The following KCTD1 variants were observed in gnomAD, a reference collection of about 807,000 sequenced individuals.
KCTD1 encodes potassium channel tetramerization domain containing 1.
KCTD1 carries 24 observed loss-of-function variants against 66.0 expected under a neutral mutation model. The ratio of observed to expected loss-of-function variants is 0.36; its 90% CI spans 0.26 to 0.51. The LOEUF (loss-of-function observed/expected upper bound fraction) is 0.51, where lower values mean the gene tolerates loss of function less well. Among genes scored for constraint, KCTD1 ranks in the 20% least tolerant of loss-of-function variants. The pLI, the probability that KCTD1 is intolerant of heterozygous loss-of-function variation, is 0.95. For synonymous variants in KCTD1, 511 were observed against 517.2 expected, an observed-to-expected ratio of 0.99 and a Z score of 0.16; for missense variants, 943 against 1,205.2, an observed-to-expected ratio of 0.78 and a Z score of 3.22.
At chr18:26,614,258 CAT>C (rs771172527) in intron 1 of KCTD1, among the ~76,000 whole-genome samples, 103 of 152,318 alleles carry the variant, frequency 6.8e-4, no homozygotes, top group Non-Finnish European at 1.2e-3. Flanking sequence ...CAAATGAACA[CAT>C]GTTTGCTGAT....
chr18:26,461,241 G>A (rs986199168), intron 3 of KCTD1, among the ~76,000 whole-genome samples: 2 of 152,232 alleles, frequency 1.3e-5, no homozygotes, highest in Non-Finnish European at 2.9e-5. Flanking sequence ...AAACAGCATG[G>A]AGAGATGACA....
rs1172973503 is a variant in KCTD1 at position 26,624,894 on chromosome 18, G to A, written c.-16+4253C>T. Among the ~76,000 whole-genome samples the A allele has an allele frequency of 5.9e-5, 9 of 152,226 alleles. No individual in the cohort carries two copies. The East Asian group carries it at 1.5e-3, about 26-fold the overall frequency. On this transcript the variant is annotated intron_variant, in intron 1 of 4. Coordinates refer to the KCTD1 transcript ENST00000317932. ...GAGGATGTACCCTGCAAAGCCATAG[G>A]GGTAGAGCTGCCCAAGGCCATGGGA...
At chr18:26,646,668 C>T (rs1987931808) in intron 1 of KCTD1, among the ~76,000 whole-genome samples, 1 of 152,158 alleles carries the variant, frequency 6.6e-6, no homozygotes, top group Non-Finnish European at 1.5e-5. Context: ...AAATTTGAAT[C>T]TCAGCCTAAA....
chr18:26,480,508 G>A (rs930033804), intron 2 of KCTD1, among the ~76,000 whole-genome samples: 9 of 152,204 alleles, frequency 5.9e-5, no homozygotes, highest in African/African-American at 1.9e-4. Flanking sequence ...GGTGGCTCAT[G>A]CCTGTAATCC....
intron 1 of KCTD1, among the ~76,000 whole-genome samples, chr18:26,590,357 G>T (rs1986571347): frequency 6.6e-6 from 1 of 152,018 alleles, no homozygotes; most frequent in Non-Finnish European, 1.5e-5. Context: ...CCAAAATGCT[G>T]GGATTACAGG....
chr18:26,620,088 A>AGATGAGGG (rs1987340105), intron 1 of KCTD1, among the ~76,000 whole-genome samples: 1 of 152,116 alleles, frequency 6.6e-6, no homozygotes, highest in South Asian at 2.1e-4. Flanking sequence ...TCGAGGGCAG[A>AGATGAGGG]GATGAGGGGT....
intron 1 of KCTD1, chr18:26,543,060 G>A (rs552135047): frequency 8.5e-5 from 13 of 152,266 alleles, no homozygotes; most frequent in Middle Eastern, 3.4e-3. Flanking sequence ...GGTGGAAAAC[G>A]ATTAATTTAT....
intron 1 of KCTD1, among the ~76,000 whole-genome samples, chr18:26,525,041 C>A (rs1598917285): frequency 6.6e-6 from 1 of 152,296 alleles, no homozygotes; most frequent in East Asian, 1.9e-4. Flanking sequence ...AAAAAACTCT[C>A]TCATAGAAAA....
At position 26,548,215 on chromosome 18, in the gene KCTD1, CG is replaced by C; in HGVS notation, c.321del (p.Glu108ArgfsTer15). On this transcript the variant is annotated frameshift_variant, in exon 1 of 5. Coordinates refer to ENST00000580059, the MANE Select transcript of KCTD1 (RefSeq NM_001142730.3). LOFTEE classifies it high-confidence loss of function. ...MGLDWDEPLEPEDSAGEELEP... is the reference protein window; with the variant it reads ...MGLDWDEPLEXEDSAGEELEP... The stretch of plus-strand genomic sequence containing the variant: ...TCCAGCTCCTCCCCGGCCGAGTCCT[CG>C]GGCTCCAGGGGCTCGTCCCAGTCCA... 1 of 1,508,428 alleles carries C rather than the reference CG, an allele frequency of 6.6e-7. No individual in the cohort carries two copies. Among genetic ancestry groups the C allele is most frequent in the Non-Finnish European group, 8.8e-7 (1 of 1,132,190 alleles). 93.4% of individuals were successfully genotyped at this position (1,508,428 alleles called of 1,614,324 possible). A position where few individuals can be genotyped will look rare whatever the true frequency, so the allele number is the denominator to read the frequency against.
chr18:26,565,770 A>T (rs1172277943), intron 1 of KCTD1: 2 of 151,550 alleles, frequency 1.3e-5, no homozygotes, highest in Non-Finnish European at 2.9e-5. Flanking sequence ...GTTTAGTACT[A>T]AGGATTAGCT....
chr18:26,572,075 T>C (rs1457388550), intron 1 of KCTD1, among the ~76,000 whole-genome samples: 2 of 151,968 alleles, frequency 1.3e-5, no homozygotes, highest in Non-Finnish European at 2.9e-5. Context: ...TTTTTTTTTT[T>C]TTGAGACGTA....
At chr18:26,647,350 T>G (rs1204494473) in intron 1 of KCTD1, among the ~76,000 whole-genome samples, 2 of 130,998 alleles carry the variant, frequency 1.5e-5, no homozygotes, top group Non-Finnish European at 3.2e-5. Flanking sequence ...CCATCTCTAC[T>G]AAAAATACAA....
At chr18:26,544,236 C>CG (rs1329909025) in intron 1 of KCTD1, 2 of 152,172 alleles carry the variant, frequency 1.3e-5, no homozygotes, top group African/African-American at 4.8e-5. Flanking sequence ...CTCACTCCCC[C>CG]CAAAAGCCAG....
upstream of KCTD1, among the ~76,000 whole-genome samples, chr18:26,643,870 G>A (rs1195629870): frequency 6.6e-6 from 1 of 152,120 alleles, no homozygotes; most frequent in Admixed American, 6.5e-5. Flanking sequence ...GCTGAGGCAG[G>A]AGAATGGTGT....
chr18:26,532,117 A>T (rs889052323), intron 1 of KCTD1, among the ~76,000 whole-genome samples: 1 of 152,150 alleles, frequency 6.6e-6, no homozygotes, highest in African/African-American at 2.4e-5. Flanking sequence ...TGGGCTGAAT[A>T]AGGCAGGATG....
chr18:26,455,823 C>T lies in KCTD1; in HGVS notation c.2518G>A (p.Glu840Lys), dbSNP rs1237289700. The T allele has an allele frequency of 2.5e-6, 4 of 1,614,196 alleles. No homozygotes were observed. The highest frequency in any genetic ancestry group is 1.1e-5 in the South Asian group (1 of 91,078). Residue 840 changes from glutamate to lysine, a missense_variant, in exon 5 of 5, where the codon GAA becomes AAA. Glu to Lys is a moderately conservative substitution (Grantham distance 56, BLOSUM62 1). This residue lies in a region of KCTD1 where 162 missense variants were observed against 232.4 expected (regional missense o/e 0.70). Transcript: ENST00000580059. ...CTCAGTTCCCGCCGAAGGACGTATT[C>T]GCTGAACTGGGACGAGTCTACTCCT... ...GGGVDSSQFS[E>K]YVLRRELRRT...
chr18:26,502,881 A>C (rs1208730183), intron 1 of KCTD1, among the ~76,000 whole-genome samples: 1 of 152,264 alleles, frequency 6.6e-6, no homozygotes, highest in Non-Finnish European at 1.5e-5. Flanking sequence ...CATAAAATGC[A>C]GCATGATAAA....
intron 1 of KCTD1, among the ~76,000 whole-genome samples, chr18:26,580,495 C>T (rs902939995): frequency 4.6e-5 from 7 of 152,120 alleles, no homozygotes; most frequent in African/African-American, 1.7e-4. Context: ...CAGCTGAGAG[C>T]ACACTCTCAG....
intron 3 of KCTD1, among the ~76,000 whole-genome samples, chr18:26,469,316 G>A (rs551654550): frequency 3.3e-4 from 51 of 152,306 alleles, no homozygotes; most frequent in African/African-American, 1.1e-3. Context: ...AGAAGCAGCT[G>A]TGCTAATCCT....
Sources: allele counts gnomAD v4.1 joint callset (sites outside exome capture counted in the v4.1 genomes callset), GRCh38; gene constraint gnomAD v4.1.1; regional missense constraint gnomAD v4.1.1; transcripts MANE v1.5; gene names NCBI Gene and HGNC (gene_info 2026-07-23, HGNC 2026-07-21).